Variants in GABBR2 observed in about 807,000 individuals in gnomAD.
GABBR2 encodes the protein G-protein coupled receptor 51.
In GABBR2, 23 loss-of-function variants were observed where a neutral mutation model predicts 105.6. The observed-to-expected ratio is 0.22, with a 90% CI of 0.16 to 0.31. The LOEUF (loss-of-function observed/expected upper bound fraction) is 0.31. Ranked by LOEUF, GABBR2 falls within the 10% of genes least tolerant of loss-of-function variation. The pLI, the probability that GABBR2 is intolerant of heterozygous loss-of-function variation, is 1.00. For synonymous variants in GABBR2, 478 were observed against 499.7 expected (o/e 0.96, Z 0.58); for missense variants, 734 against 1,245.5 (o/e 0.59, Z 6.18).
At chr9:98,300,885 C>T (rs1219798436) in intron 16 of GABBR2, among the ~76,000 whole-genome samples, 4 of 152,240 alleles carry the variant, frequency 2.6e-5, no homozygotes, top group Middle Eastern at 3.4e-3. Flanking sequence ...GCATTTTTGT[C>T]CAATCACATT....
rs1252953040 is a variant in GABBR2 at position 98,548,622 on chromosome 9, G to T, written c.460-6579C>A. Among the ~76,000 whole-genome samples, 3 of 118,328 alleles carry T rather than the reference G, an allele frequency of 2.5e-5. 1 individual carries two copies. Among genetic ancestry groups the T allele is most frequent in the Non-Finnish European group, 5.6e-5 (3 of 53,102 alleles). The allele number at this position is 118,328 out of a possible 152,430, so 77.6% of individuals were successfully genotyped here. A position where few individuals can be genotyped will look rare whatever the true frequency, so the allele number is the denominator to read the frequency against. On this transcript the variant is annotated intron_variant, in intron 2 of 18. Coordinates refer to ENST00000259455, the MANE Select transcript of GABBR2 (RefSeq NM_005458.8). The stretch of plus-strand genomic sequence containing the variant: ...GAGAATAAAGAGAAAAAAGCAATTT[G>T]GTTGTCTCAGAGATCAGCAACTGTT...
At chr9:98,615,401 T>C (rs1829568164) in intron 1 of GABBR2, among the ~76,000 whole-genome samples, 1 of 152,234 alleles carries the variant, frequency 6.6e-6, no homozygotes, top group South Asian at 2.1e-4. Flanking sequence ...AAGTTCTACA[T>C]AATAAAGCGT....
At chr9:98,650,286 G>A (rs1830087524) in intron 1 of GABBR2, among the ~76,000 whole-genome samples, 1 of 152,176 alleles carries the variant, frequency 6.6e-6, no homozygotes, top group East Asian at 1.9e-4. Context: ...TGCTAGCTGG[G>A]TGACGGAGGA....
At chr9:98,340,618 A>C (rs1831195380) in intron 13 of GABBR2, among the ~76,000 whole-genome samples, 1 of 152,180 alleles carries the variant, frequency 6.6e-6, no homozygotes, top group South Asian at 2.1e-4. Flanking sequence ...CAAGCTGGTA[A>C]CACCACCCTT....
intron 1 of GABBR2, among the ~76,000 whole-genome samples, chr9:98,669,183 T>C (rs1376329865): frequency 1.3e-5 from 2 of 152,216 alleles, no homozygotes; most frequent in Non-Finnish European, 2.9e-5. Context: ...TCCATTTTCT[T>C]CACATCCTCA....
At chr9:98,613,296 C>T (rs1829532901) in intron 1 of GABBR2, among the ~76,000 whole-genome samples, 1 of 152,112 alleles carries the variant, frequency 6.6e-6, no homozygotes, top group Non-Finnish European at 1.5e-5. Flanking sequence ...AAAATTTAGC[C>T]AGGCATGGTG....
intron 12 of GABBR2, among the ~76,000 whole-genome samples, chr9:98,369,919 C>T (rs1831748855): frequency 6.6e-6 from 1 of 152,016 alleles, no homozygotes; most frequent in African/African-American, 2.4e-5. Flanking sequence ...TCCATGACCT[C>T]AAATCAAGGG....
rs567990435 is a variant in GABBR2 at position 98,667,210 on chromosome 9, C to G, written c.321+41207G>C. Among the ~76,000 whole-genome samples, 185 of 152,280 alleles carry G rather than the reference C, an allele frequency of 1.2e-3. 1 individual carries two copies. Among genetic ancestry groups the G allele is most frequent in the African/African-American group, 4.2e-3 (174 of 41,546 alleles). ...AGCTGTTTCCCAAAGCCCACTGTAG[C>G]AGTGGGGGTTGTAGTTTGTCCCTCT... On this transcript the variant is annotated intron_variant, in intron 1 of 18. Transcript: ENST00000259455.
intron 1 of GABBR2, among the ~76,000 whole-genome samples, chr9:98,661,857 G>A (rs72760678): frequency 0.11 from 16,035 of 152,128 alleles, 941 homozygotes; most frequent in African/African-American, 0.14. Context: ...GTTAGGCCCC[G>A]TCCCTCAGAG....
intron 4 of GABBR2, among the ~76,000 whole-genome samples, chr9:98,489,540 T>C (rs1827130039): frequency 6.6e-6 from 1 of 152,238 alleles, no homozygotes; most frequent in Admixed American, 6.5e-5. Context: ...AGATATTCAT[T>C]AAAAGATAGA....
intron 13 of GABBR2, among the ~76,000 whole-genome samples, chr9:98,314,378 T>C (rs943222503): frequency 6.6e-6 from 1 of 152,166 alleles, no homozygotes; most frequent in Non-Finnish European, 1.5e-5. Flanking sequence ...CAGAATGCAG[T>C]AGCACGGACC....
Position 98,340,428 on chromosome 9 carries a change from C to T in GABBR2, c.1893+22287G>A, listed in dbSNP as rs564273128. ...CTATTCTGTGTGTGTGTTTCTCTCT[C>T]TCTCTTTTTTTTTTTGAGACGGGGT... On this transcript the variant is annotated intron_variant, in intron 13 of 18. Transcript: ENST00000259455. Among the ~76,000 whole-genome samples the T allele has an allele frequency of 4.8e-5, 7 of 146,950 alleles. No individual in the cohort carries two copies. The South Asian group carries it at 1.5e-3, about 31-fold the overall frequency.
At chr9:98,426,961 C>T (rs1401974551) in intron 7 of GABBR2, among the ~76,000 whole-genome samples, 1 of 152,158 alleles carries the variant, frequency 6.6e-6, no homozygotes, top group East Asian at 1.9e-4. Context: ...AGAGATTGTG[C>T]CACTGTACTC....
chr9:98,550,163 G>A (rs1396336260), intron 2 of GABBR2, among the ~76,000 whole-genome samples: 1 of 152,154 alleles, frequency 6.6e-6, no homozygotes, highest in African/African-American at 2.4e-5. Flanking sequence ...AGTCTTCCCA[G>A]TTATCCCACC....
chr9:98,389,037 C>G, intron 9 of GABBR2, 33 bp from the exon 10 acceptor site: 1 of 1,581,070 alleles, frequency 6.3e-7, no homozygotes, highest in Non-Finnish European at 8.6e-7. Flanking sequence ...CAGTGGGACC[C>G]AATGCAAGTC....
intron 3 of GABBR2, among the ~76,000 whole-genome samples, chr9:98,509,394 C>G (rs191056590): frequency 3.3e-4 from 50 of 152,298 alleles, no homozygotes; most frequent in East Asian, 1.2e-3. Context: ...CAGCTCCTCA[C>G]CAGCAACAGA....
intron 7 of GABBR2, among the ~76,000 whole-genome samples, chr9:98,448,218 C>G (rs148934771): frequency 1.3e-5 from 2 of 152,020 alleles, no homozygotes; most frequent in East Asian, 3.9e-4. Flanking sequence ...GTACACCCAC[C>G]GAGAATGAGG....
intron 13 of GABBR2, among the ~76,000 whole-genome samples, chr9:98,319,465 T>TC (rs58101562): frequency 1.3e-5 from 2 of 151,572 alleles, no homozygotes; most frequent in East Asian, 1.9e-4. Context: ...TTTTTTTTTT[T>TC]CCAGAATCAG....
chr9:98,345,510 G>A (rs1423154901), intron 13 of GABBR2, among the ~76,000 whole-genome samples: 1 of 152,174 alleles, frequency 6.6e-6, no homozygotes, highest in East Asian at 1.9e-4. Flanking sequence ...ACTTAATGGT[G>A]AAAAACTAGA....
Sources: allele counts gnomAD v4.1 joint callset (sites outside exome capture counted in the v4.1 genomes callset), GRCh38; gene constraint gnomAD v4.1.1; transcripts MANE v1.5; gene names NCBI Gene and HGNC (gene_info 2026-07-23, HGNC 2026-07-21).